Variants in PRAG1 observed in about 807,000 individuals in gnomAD.
PRAG1 encodes the protein PEAK1 related, kinase-activating pseudokinase 1.
PRAG1 carries 110 observed loss-of-function variants against 95.6 expected under a neutral mutation model. That is an observed-to-expected ratio of 1.15 (90% confidence interval 0.99 to 1.35). The LOEUF is 1.35. Among genes scored for constraint, PRAG1 ranks in the 40% most tolerant of loss-of-function variants. The pLI is 0.00. For missense variants in PRAG1, 2,554 were observed against 1,864.7 expected (o/e 1.37, Z -6.81); for synonymous variants, 1,052 against 819.4 (o/e 1.28, Z -4.85).
intron 4 of PRAG1, among the ~76,000 whole-genome samples, chr8:8,330,527 G>A (rs1006284339): frequency 1.3e-5 from 2 of 152,192 alleles, no homozygotes; most frequent in African/African-American, 4.8e-5. Context: ...CAGCAAGGCT[G>A]AGTGAGTGAT....
chr8:8,384,064 G>C (rs539324139), intron 1 of PRAG1, among the ~76,000 whole-genome samples: 1 of 151,902 alleles, frequency 6.6e-6, no homozygotes, highest in South Asian at 2.1e-4. Flanking sequence ...AAGACAGTTT[G>C]GAAACCAGCT....
chr8:8,346,624 C>G (rs538363773), intron 3 of PRAG1, among the ~76,000 whole-genome samples: 3 of 152,208 alleles, frequency 2.0e-5, no homozygotes, highest in African/African-American at 4.8e-5. Flanking sequence ...TTCGTAGGAA[C>G]AAGCCTCATC....
intron 4 of PRAG1, among the ~76,000 whole-genome samples, chr8:8,336,669 G>C (rs1489903276): frequency 1.3e-5 from 2 of 151,760 alleles, no homozygotes; most frequent in Non-Finnish European, 2.9e-5. Context: ...ATTTCGATTA[G>C]GTTTTCCTTA....
At position 8,376,613 on chromosome 8, in the gene PRAG1, C is replaced by T. The variant is rs1370230519; in HGVS notation, c.1796G>A (p.Cys599Tyr). ...ACTGATAGCGACACCGTTGGTCCGG[C>T]AGGAAGGAGCGGGGTCAGCAGGACC... is the stretch of plus-strand genomic sequence containing the variant. The part of the protein sequence containing the change: ...SQGPADPAPS[C>Y]RTNGVAISDP... The change falls in exon 3 of 6, where the codon TGC becomes TAC. Residue 599 changes from cysteine to tyrosine, a missense_variant. Physicochemically the swap from Cys to Tyr is radical, Grantham distance 194 (BLOSUM62 -2). Coordinates refer to ENST00000615670, the MANE Select transcript of PRAG1 (RefSeq NM_001080826.3). 1.2e-6 allele frequency: 2 copies of T among 1,602,948 alleles called. No homozygotes were observed. Among genetic ancestry groups the T allele is most frequent in the Non-Finnish European group, 1.7e-6 (2 of 1,173,886 alleles).
At chr8:8,367,458 C>CAAAAAAAAAAA in intron 3 of PRAG1, among the ~76,000 whole-genome samples, 1 of 26,218 alleles carries the variant, frequency 3.8e-5, no homozygotes, top group Non-Finnish European at 6.4e-5. Flanking sequence ...GACTCCATCT[C>CAAAAAAAAAAA]AAAAAAAAAA....
chr8:8,359,714 T>C (rs943200142), intron 3 of PRAG1, among the ~76,000 whole-genome samples: 3 of 152,182 alleles, frequency 2.0e-5, no homozygotes, highest in Non-Finnish European at 2.9e-5. Flanking sequence ...TAACCAAATA[T>C]GTATTGGAGG....
In PRAG1 at chr8:8,376,776, G is replaced by A. The variant is rs369216641; in HGVS notation, c.1633C>T (p.Pro545Ser). ...ESKPKERPAI[P>S]PKLSKSSPVG... Reference sequence around the variant, plus strand: ...GGGCTACTCTTGGACAACTTGGGGGGAATGGCGGGCCTCTCCTTGGGCTTG... The same window carrying A: ...GGGCTACTCTTGGACAACTTGGGGGAAATGGCGGGCCTCTCCTTGGGCTTG... Residue 545 changes from proline (P) to serine (S), a missense_variant, in exon 3 of 6, where the codon CCC becomes TCC. Pro to Ser is a moderately conservative substitution (Grantham distance 74). Transcript: ENST00000615670. The A allele has an allele frequency of 8.9e-5, 144 of 1,610,594 alleles. No individual in the cohort carries two copies. The highest frequency in any genetic ancestry group is 1.1e-4 in the Non-Finnish European group (134 of 1,179,938).
chr8:8,350,895 AATGGATGGATGGATGG>A (rs61665217), intron 3 of PRAG1, among the ~76,000 whole-genome samples: 4,037 of 149,556 alleles, frequency 0.027, 163 homozygotes, highest in African/African-American at 0.092. Flanking sequence ...GTGCTCGTTA[AATGGATGGATGGATGG>A]ATGGATGGAT....
Position 8,319,284 on chromosome 8 carries a change from G to A in PRAG1, c.3091C>T (p.Pro1031Ser). The change falls in exon 6 of 6, where the codon CCC becomes TCC. Residue 1031 changes from proline to serine, a missense_variant. By Grantham distance (74) the Pro-to-Ser change is moderately conservative (BLOSUM62 -1). Transcript: ENST00000615670. ...YAVKICKAPE[P>S]KTVSYCSPSV... is the part of the protein sequence containing the mutation. ...GGGCTGCAGTAGGAGACTGTTTTGG[G>A]CTCAGGGGCTTTGCAGATCTGTGGA... The A allele has an allele frequency of 2.0e-6, 3 of 1,515,392 alleles. No individual in the cohort carries two copies. In the East Asian group the frequency reaches 7.0e-5, roughly 35 times the overall value. The allele number at this position is 1,515,392 out of a possible 1,614,324, so 93.9% of individuals were successfully genotyped here.
rs1308488088 is a variant in PRAG1 at position 8,319,108 on chromosome 8, C to T, written c.3267G>A (p.Val1089=). 1 of 1,609,338 alleles carries T rather than the reference C, an allele frequency of 6.2e-7. No individual in the cohort carries two copies. The highest frequency in any genetic ancestry group is 8.5e-7 in the Non-Finnish European group (1 of 1,179,232). Residue 1089 remains valine (V), a synonymous_variant, in exon 6 of 6, where the codon GTG becomes GTA. Coordinates refer to ENST00000615670, the MANE Select transcript of PRAG1 (RefSeq NM_001080826.3). The stretch of plus-strand genomic sequence containing the variant: ...GATGTGGCACCTCTCGGGTGATGAC[C>T]ACCACGCAGTCCTGCTCCTGGGCAG... ...HPPAQEQDCV[V]VITREVPHQT... is the part of the protein sequence containing the mutation.
In PRAG1 at chr8:8,376,622, G is replaced by T; in HGVS notation, c.1787C>A (p.Ala596Asp). Residue 596 changes from alanine to aspartate, a missense_variant, in exon 3 of 6, where the codon GCT becomes GAT. Coordinates refer to ENST00000615670, the MANE Select transcript of PRAG1 (RefSeq NM_001080826.3). Reference sequence around the variant, plus strand: ...GACACCGTTGGTCCGGCAGGAAGGAGCGGGGTCAGCAGGACCTTGGGATGG... The same window carrying T: ...GACACCGTTGGTCCGGCAGGAAGGATCGGGGTCAGCAGGACCTTGGGATGG... ...QPPSQGPADP[A>D]PSCRTNGVAI... 6.2e-7 allele frequency: 1 copy of T among 1,604,420 alleles called. No homozygotes were observed. The highest frequency in any genetic ancestry group is 1.3e-5 in the African/African-American group (1 of 74,950).
intron 4 of PRAG1, among the ~76,000 whole-genome samples, chr8:8,329,121 G>T (rs367623222): frequency 6.6e-6 from 1 of 152,052 alleles, no homozygotes; most frequent in African/African-American, 2.4e-5. Context: ...GGCTGGGTGC[G>T]GCGGCTCATG....
rs781568764 is a variant in PRAG1 at position 8,377,662 on chromosome 8, C to T, written c.747G>A (p.Glu249=). 1 of 1,613,834 alleles carries T rather than the reference C, an allele frequency of 6.2e-7. No homozygotes were observed. Among genetic ancestry groups the T allele is most frequent in the African/African-American group, 1.3e-5 (1 of 75,066 alleles). Residue 249 remains glutamate, a synonymous_variant, in exon 3 of 6, where the codon GAG becomes GAA. Transcript: ENST00000615670. ...CCAGGATGGAGCAGTACTCTCCACCCTCGCTGTCCCCGGAGGGCGAGCACC... is the reference window on the plus strand; with the variant it reads ...CCAGGATGGAGCAGTACTCTCCACCTTCGCTGTCCCCGGAGGGCGAGCACC... The part of the protein sequence containing the change: ...DQRCSPSGDS[E]GGEYCSILDC...
Position 8,327,692 on chromosome 8 carries a change from G to T in PRAG1, c.3072+18C>A. 2 of 1,594,688 alleles carry T rather than the reference G, an allele frequency of 1.3e-6. No homozygotes were observed. The highest frequency in any genetic ancestry group is 1.7e-6 in the Non-Finnish European group (2 of 1,168,118). ...CAGCCAGTGGCACAGCAGAATGCAAGGAGGGAGTGGTACCTACTTTCACAG... is the reference window on the plus strand; with the variant it reads ...CAGCCAGTGGCACAGCAGAATGCAATGAGGGAGTGGTACCTACTTTCACAG... On this transcript the variant is annotated intron_variant, in intron 5 of 5. Transcript: ENST00000615670.
At chr8:8,374,733 T>C in intron 3 of PRAG1, 1 of 985,022 alleles carries the variant, frequency 1.0e-6, no homozygotes, top group Non-Finnish European at 1.2e-6. Context: ...GGAAGATGTC[T>C]GTTCTCCATG....
intron 3 of PRAG1, among the ~76,000 whole-genome samples, chr8:8,347,640 T>C (rs1563239884): frequency 6.6e-6 from 1 of 152,208 alleles, no homozygotes; most frequent in Non-Finnish European, 1.5e-5. Context: ...TTCCTCCTTG[T>C]CTATCCTGAA....
At position 8,377,498 on chromosome 8, in the gene PRAG1, C is replaced by T. The variant is rs1293054335; in HGVS notation, c.911G>A (p.Gly304Asp). Residue 304 changes from glycine to aspartate, a missense_variant, in exon 3 of 6, where the codon GGC (glycine) becomes GAC (aspartate). Transcript: ENST00000615670. ...ACAGCACTCCTTGGGGAAGCTCGGG[C>T]CCCGCTTCTCCTGCTCTGCGGGCCC... ...CSGPAEQEKR[G>D]PSFPKECCSQ... The T allele has an allele frequency of 1.9e-6, 3 of 1,553,734 alleles. No homozygotes were observed. The highest frequency in any genetic ancestry group is 1.7e-6 in the Non-Finnish European group (2 of 1,150,204).
At chr8:8,361,806 T>G (rs1442740131) in intron 3 of PRAG1, among the ~76,000 whole-genome samples, 4 of 152,262 alleles carry the variant, frequency 2.6e-5, no homozygotes, top group Non-Finnish European at 5.9e-5. Flanking sequence ...TTAGTTCAAA[T>G]GAAGCAACAA....
In PRAG1 at chr8:8,377,860, C is replaced by T. The variant is rs200291133; in HGVS notation, c.549G>A (p.Pro183=). The T allele has an allele frequency of 1.9e-5, 30 of 1,614,110 alleles. No homozygotes were observed. In the African/African-American group the frequency reaches 2.8e-4, roughly 15 times the overall value. The stretch of plus-strand genomic sequence containing the variant: ...TTTCTTTGTGCACAGCCTTCTCCTC[C>T]GGGAAGCTCACCGGGTGGAAGGCAA... ...RNIAFHPVSF[P]EEKAVHKEKP... Residue 183 remains proline (P), a synonymous_variant, in exon 3 of 6, where the codon CCG becomes CCA. Coordinates refer to ENST00000615670, the MANE Select transcript of PRAG1 (RefSeq NM_001080826.3).
Sources: allele counts gnomAD v4.1 joint callset (sites outside exome capture counted in the v4.1 genomes callset), GRCh38; gene constraint gnomAD v4.1.1; transcripts MANE v1.5; gene names NCBI Gene and HGNC (gene_info 2026-07-23, HGNC 2026-07-21).